The following BCAT1 variants were observed in gnomAD, a reference collection of about 807,000 sequenced individuals.
BCAT1 encodes the protein branched chain amino acid transaminase 1, also known as branched-chain-amino-acid aminotransferase, cytosolic.
In BCAT1, 48 loss-of-function variants were observed where a neutral mutation model predicts 52.4. The ratio of observed to expected loss-of-function variants is 0.92; its 90% CI spans 0.73 to 1.16. The LOEUF is 1.16. BCAT1 is among the 50% of genes most tolerant of loss of function. The pLI is 0.00. For synonymous variants in BCAT1, 167 were observed against 161.3 expected, an observed-to-expected ratio of 1.04 and a Z score of -0.27; for missense variants, 451 against 457.1, an observed-to-expected ratio of 0.99 and a Z score of 0.12.
At chr12:24,874,207 A>C (rs1021516084) in intron 5 of BCAT1, among the ~76,000 whole-genome samples, 1 of 152,152 alleles carries the variant, frequency 6.6e-6, no homozygotes, top group Non-Finnish European at 1.5e-5. Flanking sequence ...CCCGCTAATC[A>C]GGAGGCTGAG....
chr12:24,836,009 A>AT (rs1173975047), intron 8 of BCAT1, among the ~76,000 whole-genome samples: 1 of 152,208 alleles, frequency 6.6e-6, no homozygotes, highest in African/African-American at 2.4e-5. Flanking sequence ...ATTTTGGAGG[A>AT]TGGGGGTAGG....
chr12:24,928,694 G>A (rs1171174759), intron 1 of BCAT1, among the ~76,000 whole-genome samples: 2 of 143,694 alleles, frequency 1.4e-5, no homozygotes, highest in South Asian at 4.4e-4. Flanking sequence ...TACACCTTCA[G>A]TGTGAAATGT....
At chr12:24,872,843 C>G (rs1292777644) in intron 5 of BCAT1, among the ~76,000 whole-genome samples, 1 of 152,234 alleles carries the variant, frequency 6.6e-6, no homozygotes, top group Non-Finnish European at 1.5e-5. Context: ...TATTGTCTCA[C>G]TCTACCACCT....
At chr12:24,878,780 G>A in intron 4 of BCAT1, 131 bp from the exon 5 acceptor site, 1 of 875,462 alleles carries the variant, frequency 1.1e-6, no homozygotes, top group Non-Finnish European at 1.6e-6. Context: ...AAATGTTTGA[G>A]GTGATGGATA....
At chr12:24,827,477 T>C (rs1356786155) in intron 10 of BCAT1, among the ~76,000 whole-genome samples, 1 of 152,200 alleles carries the variant, frequency 6.6e-6, no homozygotes, top group Non-Finnish European at 1.5e-5. Context: ...AGCAGAAGTA[T>C]GGCAGCTCAT....
At chr12:24,821,422 C>T (rs1940120503) in intron 10 of BCAT1, among the ~76,000 whole-genome samples, 1 of 152,060 alleles carries the variant, frequency 6.6e-6, no homozygotes, top group Non-Finnish European at 1.5e-5. Context: ...CACATGCTCC[C>T]CCTGATACTT....
At chr12:24,905,622 A>G (rs1254945019) in intron 1 of BCAT1, among the ~76,000 whole-genome samples, 1 of 152,200 alleles carries the variant, frequency 6.6e-6, no homozygotes, top group African/African-American at 2.4e-5. Context: ...CGGTAATATA[A>G]TTTCTTCATT....
intron 8 of BCAT1, among the ~76,000 whole-genome samples, chr12:24,833,580 A>C (rs1690075536): frequency 6.6e-6 from 1 of 152,108 alleles, no homozygotes; most frequent in South Asian, 2.1e-4. Flanking sequence ...AAAGGAGAAC[A>C]ATGTATTATA....
intron 5 of BCAT1, among the ~76,000 whole-genome samples, chr12:24,859,804 ACT>A (rs1491427994): frequency 6.6e-6 from 1 of 152,050 alleles, no homozygotes; most frequent in African/African-American, 2.4e-5. Flanking sequence ...TCTGGTCAAT[ACT>A]TTAGATATGA....
intron 1 of BCAT1, among the ~76,000 whole-genome samples, chr12:24,912,436 C>G (rs201142948): frequency 4.6e-5 from 7 of 152,064 alleles, no homozygotes; most frequent in African/African-American, 1.7e-4. Context: ...AGGAGAATGG[C>G]GTGAACCAGG....
intron 10 of BCAT1, among the ~76,000 whole-genome samples, chr12:24,822,103 C>T (rs1369601262): frequency 6.6e-6 from 1 of 152,174 alleles, no homozygotes; most frequent in African/African-American, 2.4e-5. Context: ...GTCGACAACA[C>T]GGCCAATGCT....
intron 1 of BCAT1, among the ~76,000 whole-genome samples, chr12:24,943,388 G>A (rs1237820173): frequency 6.6e-6 from 1 of 150,424 alleles, no homozygotes; most frequent in Non-Finnish European, 1.5e-5. Flanking sequence ...AGCTACTCAG[G>A]GAGCTGAGGC....
At chr12:24,928,895 C>T (rs563171938) in intron 1 of BCAT1, among the ~76,000 whole-genome samples, 26 of 140,052 alleles carry the variant, frequency 1.9e-4, no homozygotes, top group Middle Eastern at 3.6e-3. Flanking sequence ...GCACCATGCC[C>T]GGCTAATTTT....
chr12:24,811,767 T>G lies in BCAT1; in HGVS notation c.*6241A>C, dbSNP rs933099409. 1 of 152,150 alleles carries G rather than the reference T, an allele frequency of 6.6e-6. No homozygotes were observed. Among genetic ancestry groups the G allele is most frequent in the African/African-American group, 2.4e-5 (1 of 41,466 alleles). 9.4% of individuals were successfully genotyped at this position (152,150 alleles called of 1,614,324 possible). A position where few individuals can be genotyped will look rare whatever the true frequency, so the allele number is the denominator to read the frequency against. On this transcript the variant is annotated 3_prime_UTR_variant, in exon 11 of 11. Coordinates refer to ENST00000261192, the MANE Select transcript of BCAT1 (RefSeq NM_005504.7). ...AGAATCACTACACAGCTAAGATATC[T>G]GAGACTTGCAATGGCTGGAGTCTAT...
At chr12:24,905,852 G>C (rs1475858492) in intron 1 of BCAT1, among the ~76,000 whole-genome samples, 1 of 151,140 alleles carries the variant, frequency 6.6e-6, no homozygotes, top group Non-Finnish European at 1.5e-5. Flanking sequence ...GAGGGTCTGG[G>C]TGGAGAGGAA....
chr12:24,930,818 T>C (rs1943664985), intron 1 of BCAT1, among the ~76,000 whole-genome samples: 1 of 152,030 alleles, frequency 6.6e-6, no homozygotes, highest in African/African-American at 2.4e-5. Context: ...GAAGGTTCTT[T>C]AGATGTGTCA....
At chr12:24,852,922 A>T (rs981644629) in intron 5 of BCAT1, among the ~76,000 whole-genome samples, 1 of 152,220 alleles carries the variant, frequency 6.6e-6, no homozygotes, top group Non-Finnish European at 1.5e-5. Flanking sequence ...TAAAACTGTG[A>T]TTTCACTGAA....
At chr12:24,868,177 A>G (rs2133582) in intron 5 of BCAT1, among the ~76,000 whole-genome samples, 31,871 of 152,198 alleles carry the variant, frequency 0.21, 3,846 homozygotes, top group African/African-American at 0.33. Flanking sequence ...TAACTAACTC[A>G]TGAATCACTC....
intron 7 of BCAT1, among the ~76,000 whole-genome samples, chr12:24,836,940 AAGAAAGAAAGAAAGAAAAG>A (rs1940980247): frequency 1.7e-5 from 2 of 120,218 alleles, no homozygotes; most frequent in South Asian, 5.2e-4. Flanking sequence ...GAAAGAAAGA[AAGAAAGAAAGAAAGAAAAG>A]AGAAAGAAAG....
Sources: allele counts gnomAD v4.1 joint callset (sites outside exome capture counted in the v4.1 genomes callset), GRCh38; gene constraint gnomAD v4.1.1; transcripts MANE v1.5; gene names NCBI Gene and HGNC (gene_info 2026-07-23, HGNC 2026-07-21).